The following PRSS16 variants were observed in gnomAD, a reference collection of about 807,000 sequenced individuals.
PRSS16 encodes the protein serine protease 16.
A neutral mutation model predicts 61.7 loss-of-function variants in PRSS16; 43 were observed. The observed-to-expected ratio is 0.70, with a 90% CI of 0.55 to 0.90. PRSS16 has a LOEUF of 0.90. Among genes scored for constraint, PRSS16 ranks in the 40% least tolerant of loss-of-function variants. The pLI is 0.00. For synonymous variants in PRSS16, 273 were observed against 285.2 expected (o/e 0.96, Z 0.43); for missense variants, 591 against 659.1 (o/e 0.90, Z 1.13).
chr6:27,252,763 A>G lies in PRSS16; in HGVS notation c.1009-45A>G. On this transcript the variant is annotated intron_variant, in intron 8 of 11. Coordinates refer to ENST00000230582, the MANE Select transcript of PRSS16 (RefSeq NM_005865.4). The surrounding 1 kb of genome is among the most constrained non-coding windows in gnomAD (Gnocchi z 4.2). ...GGCCTCTGCACCCTGGCTTGCTGGG[A>G]AGAGAGGAGGAATTTATGTCTTATG... 1 of 1,610,832 alleles carries G rather than the reference A, an allele frequency of 6.2e-7. No homozygotes were observed. The highest frequency in any genetic ancestry group is 8.5e-7 in the Non-Finnish European group (1 of 1,178,294).
At position 27,255,519 on chromosome 6, in the gene PRSS16, A is replaced by T; in HGVS notation, c.*204A>T. On this transcript the variant is annotated 3_prime_UTR_variant, in exon 12 of 12. Coordinates refer to ENST00000230582, the MANE Select transcript of PRSS16 (RefSeq NM_005865.4). This position sits in a 1 kb window ranked among gnomAD's most constrained non-coding sequence, Gnocchi z 4.4. ...TATTGCAGAGAGTTATGGAAATATA[A>T]GTGGATGATTATTCTCATTGTAAAT... is the stretch of plus-strand genomic sequence containing the variant. 1 of 553,824 alleles carries T rather than the reference A, an allele frequency of 1.8e-6. No individual in the cohort carries two copies. 34.3% of individuals were successfully genotyped at this position (553,824 alleles called of 1,614,324 possible).
In PRSS16 at chr6:27,251,837, C is replaced by A. The variant is rs756999507; in HGVS notation, c.805C>A (p.Leu269Met). The A allele has an allele frequency of 6.2e-7, 1 of 1,612,718 alleles. No individual in the cohort carries two copies. The highest frequency in any genetic ancestry group is 8.5e-7 in the Non-Finnish European group (1 of 1,179,740). ...GAAQAALRTELSACGPLGRAE... is the reference protein window; with the variant it reads ...GAAQAALRTEMSACGPLGRAE... ...GGCTCAAGCAGCATTGCGGACGGAG[C>A]TGAGCGCTTGCGGGCCCCTGGGCCG... The change falls in exon 8 of 12, where the codon CTG (leucine) becomes ATG (methionine). Residue 269 changes from leucine (L) to methionine (M), a missense_variant. Physicochemically the swap from Leu to Met is conservative, Grantham distance 15 (BLOSUM62 2). Coordinates refer to ENST00000230582, the MANE Select transcript of PRSS16 (RefSeq NM_005865.4). The surrounding 1 kb of genome is among the most constrained non-coding windows in gnomAD (Gnocchi z 5.6).
Position 27,252,040 on chromosome 6 carries a change from G to A in PRSS16, c.1008G>A (p.Gln336=). 6.6e-7 allele frequency: 1 copy of A among 1,518,030 alleles called. No individual in the cohort carries two copies. Among genetic ancestry groups the A allele is most frequent in the Non-Finnish European group, 8.8e-7 (1 of 1,137,672 alleles). The allele number at this position is 1,518,030 out of a possible 1,614,324, so 94.0% of individuals were successfully genotyped here. A position where few individuals can be genotyped will look rare whatever the true frequency, so the allele number is the denominator to read the frequency against. ...TPYCGLRRAV[Q]IVLHSLGQKC... ...ACTGCGGGCTTCGTCGGGCGGTGCA[G>A]GTGAGCACTCCCTGGCACAGCTGGG... is the stretch of plus-strand genomic sequence containing the variant. The change falls in exon 8 of 12, where the codon CAG becomes CAA. Residue 336 remains glutamine (Q), a splice_region_variant and synonymous_variant. Transcript: ENST00000230582. The surrounding 1 kb of genome is among the most constrained non-coding windows in gnomAD (Gnocchi z 4.2).
In PRSS16 at chr6:27,251,552, A is replaced by G. The variant is rs1759898933; in HGVS notation, c.718-198A>G. 3 of 674,876 alleles carry G rather than the reference A, an allele frequency of 4.4e-6. No individual in the cohort carries two copies. Among genetic ancestry groups the G allele is most frequent in the Non-Finnish European group, 6.8e-6 (3 of 439,200 alleles). 41.8% of individuals were successfully genotyped at this position (674,876 alleles called of 1,614,324 possible). A position where few individuals can be genotyped will look rare whatever the true frequency, so the allele number is the denominator to read the frequency against. ...ACAATGGAGGACGGGGCCTGCAGGG[A>G]AGACCCGAGAAGGAGGGCTGCGAGG... On this transcript the variant is annotated intron_variant, in intron 7 of 11. Transcript: ENST00000230582. This position sits in a 1 kb window ranked among gnomAD's most constrained non-coding sequence, Gnocchi z 5.6.
At position 27,251,646 on chromosome 6, in the gene PRSS16, C is replaced by T; in HGVS notation, c.718-104C>T. 7.1e-7 allele frequency: 1 copy of T among 1,406,614 alleles called. No homozygotes were observed. Among genetic ancestry groups the T allele is most frequent in the African/African-American group, 1.4e-5 (1 of 69,468 alleles). The allele number at this position is 1,406,614 out of a possible 1,614,324, so 87.1% of individuals were successfully genotyped here. On this transcript the variant is annotated intron_variant, in intron 7 of 11. Transcript: ENST00000230582. This position sits in a 1 kb window ranked among gnomAD's most constrained non-coding sequence, Gnocchi z 5.6. ...AGAGCTAGGTCTGCACCCTCTGAGT[C>T]CCGCTAGGGGAAAGTGGGGAACCCA...
At position 27,248,064 on chromosome 6, in the gene PRSS16, G is replaced by A. The variant is rs755832764; in HGVS notation, c.237+16G>A. The A allele has an allele frequency of 1.1e-5, 18 of 1,609,078 alleles. No individual in the cohort carries two copies. Among genetic ancestry groups the A allele is most frequent in the Non-Finnish European group, 1.5e-5 (18 of 1,177,932 alleles). The stretch of plus-strand genomic sequence containing the variant: ...CTTCCTACAGGTGAGGCCGGGAGAC[G>A]GGGAGTCCACTAACCATCCTGCCCT... On this transcript the variant is annotated intron_variant, in intron 2 of 11. Coordinates refer to ENST00000230582, the MANE Select transcript of PRSS16 (RefSeq NM_005865.4).
chr6:27,250,801 C>T lies in PRSS16; in HGVS notation c.586C>T (p.Leu196=). ...CGGCTCCTTGGCCGCCTGGGCCCGG[C>T]TGAAGGTCCTGCGACTCCTCCGGGT... is the stretch of plus-strand genomic sequence containing the variant. The part of the protein sequence containing the change: ...YAGSLAAWAR[L]KFPHLIFASV... The change falls in exon 5 of 12, where the codon CTG becomes TTG. Residue 196 remains leucine (L), a synonymous_variant. Coordinates refer to ENST00000230582, the MANE Select transcript of PRSS16 (RefSeq NM_005865.4). 6.2e-7 allele frequency: 1 copy of T among 1,608,072 alleles called. No individual in the cohort carries two copies. Among genetic ancestry groups the T allele is most frequent in the Non-Finnish European group, 8.5e-7 (1 of 1,177,482 alleles).
chr6:27,250,787 C>A lies in PRSS16; in HGVS notation c.572C>A (p.Ala191Asp). ...CFGGSYAGSL[A>D]AWARLKFPHL... ...GGAGGCTCCTATGCCGGCTCCTTGG[C>A]CGCCTGGGCCCGGCTGAAGGTCCTG... The change falls in exon 5 of 12, where the codon GCC becomes GAC. Residue 191 changes from alanine (A) to aspartate (D), a missense_variant. Coordinates refer to ENST00000230582, the MANE Select transcript of PRSS16 (RefSeq NM_005865.4). The A allele has an allele frequency of 6.2e-7, 1 of 1,610,650 alleles. No individual in the cohort carries two copies. Among genetic ancestry groups the A allele is most frequent in the Non-Finnish European group, 8.5e-7 (1 of 1,178,540 alleles).
Position 27,254,839 on chromosome 6 carries a change from A to T in PRSS16, c.1297A>T (p.Thr433Ser), listed in dbSNP as rs1323944600. ...AQTNSYYGGQ[T>S]PGANKVLFVN... ...GACGAACTCCTACTACGGTGGCCAG[A>T]CCCCTGGGGCTAACAAAGTGCTGTT... Residue 433 changes from threonine to serine, a missense_variant, in exon 10 of 12, where the codon ACC becomes TCC. Transcript: ENST00000230582. 1 of 1,614,058 alleles carries T rather than the reference A, an allele frequency of 6.2e-7. No individual in the cohort carries two copies. The highest frequency in any genetic ancestry group is 1.1e-5 in the South Asian group (1 of 91,064).
At position 27,255,132 on chromosome 6, in the gene PRSS16, G is replaced by A. The variant is rs748363373; in HGVS notation, c.1476+1G>A. On this transcript the variant is annotated splice_donor_variant, in intron 11 of 11. Transcript: ENST00000230582. LOFTEE classifies it high-confidence loss of function. This position sits in a 1 kb window ranked among gnomAD's most constrained non-coding sequence, Gnocchi z 4.4. ...CCCCAGCCTCCGCCTAGGGCGCCAGGTAAGAGAAAAAAGGCTCTGAATCAT... is the reference window on the plus strand; with the variant it reads ...CCCCAGCCTCCGCCTAGGGCGCCAGATAAGAGAAAAAAGGCTCTGAATCAT... 1 of 1,613,818 alleles carries A rather than the reference G, an allele frequency of 6.2e-7. No homozygotes were observed. Among genetic ancestry groups the A allele is most frequent in the Admixed American group, 1.7e-5 (1 of 59,918 alleles).
chr6:27,251,750 T>G lies in PRSS16; in HGVS notation c.718T>G (p.Cys240Gly), dbSNP rs1462243718. 6.2e-7 allele frequency: 1 copy of G among 1,600,844 alleles called. No homozygotes were observed. Among genetic ancestry groups the G allele is most frequent in the African/African-American group, 1.3e-5 (1 of 74,280 alleles). Reference sequence around the variant, plus strand: ...GGACATCGCCTCTTGCTTCCCACAGTGCCGGGCGGCGGTGTCCGTCGCCTT... The same window carrying G: ...GGACATCGCCTCTTGCTTCCCACAGGGCCGGGCGGCGGTGTCCGTCGCCTT... Reference protein sequence around the residue: ...MSTAIGGSLECRAAVSVAFAE... With the variant: ...MSTAIGGSLEGRAAVSVAFAE... The change falls in exon 8 of 12, where the codon TGC becomes GGC. Residue 240 changes from cysteine to glycine, a missense_variant and splice_region_variant. Physicochemically the swap from Cys to Gly is radical, Grantham distance 159. Transcript: ENST00000230582. The surrounding 1 kb of genome is among the most constrained non-coding windows in gnomAD (Gnocchi z 5.6).
At position 27,255,698 on chromosome 6, in the gene PRSS16, G is replaced by A. The variant is rs1760016126; in HGVS notation, c.*383G>A. 5.0e-6 allele frequency: 1 copy of A among 199,728 alleles called. No individual in the cohort carries two copies. Among genetic ancestry groups the A allele is most frequent in the South Asian group, 8.4e-5 (1 of 11,904 alleles). 12.4% of individuals were successfully genotyped at this position (199,728 alleles called of 1,614,324 possible). On this transcript the variant is annotated 3_prime_UTR_variant, in exon 12 of 12. Transcript: ENST00000230582. The surrounding 1 kb of genome is among the most constrained non-coding windows in gnomAD (Gnocchi z 4.4). ...TTTCTGGACTTTAGATCCTGAACCTGTCCTTGCTTCTCAGTTTCTCTCACT... is the reference window on the plus strand; with the variant it reads ...TTTCTGGACTTTAGATCCTGAACCTATCCTTGCTTCTCAGTTTCTCTCACT...
rs1365681052 is a variant in PRSS16, at chr6:27,248,946, G to A, written c.337G>A (p.Gly113Ser). ...CCTTGGGCCTGGCTCAGTGATGAGA[G>A]GTAAGAGGCAATGTTGGGGGAAAGG... Reference protein sequence around the residue: ...GSLGPGSVMRGHPAALAPAWG... With the variant: ...GSLGPGSVMRSHPAALAPAWG... The change falls in exon 3 of 12, where the codon GGC (glycine) becomes AGC (serine). Residue 113 changes from glycine to serine, a missense_variant and splice_region_variant. Coordinates refer to ENST00000230582, the MANE Select transcript of PRSS16 (RefSeq NM_005865.4). 1.9e-6 allele frequency: 3 copies of A among 1,604,234 alleles called. No individual in the cohort carries two copies. Among genetic ancestry groups the A allele is most frequent in the Non-Finnish European group, 2.6e-6 (3 of 1,173,990 alleles).
rs1759907076 is a variant in PRSS16 at position 27,251,667 on chromosome 6, A to G, written c.718-83A>G. 2.7e-6 allele frequency: 4 copies of G among 1,489,004 alleles called. No individual in the cohort carries two copies. In the East Asian group the frequency reaches 9.2e-5, roughly 34 times the overall value. 92.2% of individuals were successfully genotyped at this position (1,489,004 alleles called of 1,614,324 possible). On this transcript the variant is annotated intron_variant, in intron 7 of 11. Coordinates refer to ENST00000230582, the MANE Select transcript of PRSS16 (RefSeq NM_005865.4). This position sits in a 1 kb window ranked among gnomAD's most constrained non-coding sequence, Gnocchi z 5.6. The stretch of plus-strand genomic sequence containing the variant: ...GAGTCCCGCTAGGGGAAAGTGGGGA[A>G]CCCAAGGAGGACGCAGGTCCTGGGT...
chr6:27,256,184 C>T lies in PRSS16; in HGVS notation c.*869C>T, dbSNP rs529175425. The stretch of plus-strand genomic sequence containing the variant: ...TCTCTTCCTGTCACTTAATCTTTTC[C>T]TTCTCTATCTCTCTTATTTAGTCTT... On this transcript the variant is annotated 3_prime_UTR_variant, in exon 12 of 12. Coordinates refer to ENST00000230582, the MANE Select transcript of PRSS16 (RefSeq NM_005865.4). The T allele has an allele frequency of 1.3e-5, 2 of 152,134 alleles. No homozygotes were observed. The highest frequency in any genetic ancestry group is 4.8e-5 in the African/African-American group (2 of 41,486). 9.4% of individuals were successfully genotyped at this position (152,134 alleles called of 1,614,324 possible).
chr6:27,248,847 C>T lies in PRSS16; in HGVS notation c.238C>T (p.Arg80Cys), dbSNP rs764478091. ...TCTTCTTCCCCATCCCACCTCTCAGCGTTACTGGGTGAATGACCAACATTG... is the reference window on the plus strand; with the variant it reads ...TCTTCTTCCCCATCCCACCTCTCAGTGTTACTGGGTGAATGACCAACATTG... Reference protein sequence around the residue: ...NVSDRRSFLQRYWVNDQHWVG... With the variant: ...NVSDRRSFLQCYWVNDQHWVG... Residue 80 changes from arginine to cysteine, a missense_variant and splice_region_variant, in exon 3 of 12, where the codon CGT becomes TGT. Transcript: ENST00000230582. 2.7e-5 allele frequency: 43 copies of T among 1,597,300 alleles called. No homozygotes were observed. The Admixed American group carries it at 2.8e-4, about 10-fold the overall frequency.
At chr6:27,253,609 A>AT (rs893646193) in intron 9 of PRSS16, 211 of 299,310 alleles carry the variant, frequency 7.0e-4, no homozygotes, top group East Asian at 1.5e-3. Context: ...TATACAACAG[A>AT]TTTTTTTTTA....
rs761940273 is a variant in PRSS16, at chr6:27,251,083, G to T, written c.633G>T (p.Pro211=). The T allele has an allele frequency of 1.9e-6, 3 of 1,613,950 alleles. No homozygotes were observed. Among genetic ancestry groups the T allele is most frequent in the African/African-American group, 2.7e-5 (2 of 74,928 alleles). ...TCGCGTCGGTCGCCTCCTCCGCCCC[G>T]GTGCGGGCCGTGCTGGATTTCTCCG... ...LIFASVASSA[P]VRAVLDFSEY... The change falls in exon 6 of 12, where the codon CCG becomes CCT. Residue 211 remains proline, a synonymous_variant. Coordinates refer to ENST00000230582, the MANE Select transcript of PRSS16 (RefSeq NM_005865.4). The surrounding 1 kb of genome is among the most constrained non-coding windows in gnomAD (Gnocchi z 5.6).
chr6:27,255,221 T>G lies in PRSS16; in HGVS notation c.1477-26T>G. 6.2e-7 allele frequency: 1 copy of G among 1,613,948 alleles called. No individual in the cohort carries two copies. Among genetic ancestry groups the G allele is most frequent in the Non-Finnish European group, 8.5e-7 (1 of 1,179,898 alleles). On this transcript the variant is annotated intron_variant, in intron 11 of 11. Coordinates refer to ENST00000230582, the MANE Select transcript of PRSS16 (RefSeq NM_005865.4). The surrounding 1 kb of genome is among the most constrained non-coding windows in gnomAD (Gnocchi z 4.4). The stretch of plus-strand genomic sequence containing the variant: ...CTTCTGCTGGTGCTGAAATCTGACT[T>G]TCAAATTCTTCCCACCTCCCCACAG...
Sources: allele counts gnomAD v4.1 joint callset, GRCh38; gene constraint gnomAD v4.1.1; non-coding constraint Gnocchi (gnomAD v3.1); transcripts MANE v1.5; gene names NCBI Gene and HGNC (gene_info 2026-07-23, HGNC 2026-07-21).